Variants in MBNL2 observed in about 807,000 individuals in gnomAD.
MBNL2 encodes the protein muscleblind-like protein 2.
A neutral mutation model predicts 41.9 loss-of-function variants in MBNL2; 17 were observed. The ratio of observed to expected loss-of-function variants is 0.41; its 90% CI spans 0.28 to 0.61. The LOEUF is 0.61. MBNL2 is among the 20% of genes least tolerant of loss of function. MBNL2 has a pLI of 0.35. For synonymous variants in MBNL2, 195 were observed against 182.9 expected, an observed-to-expected ratio of 1.07 and a Z score of -0.53; for missense variants, 336 against 505.6, an observed-to-expected ratio of 0.66 and a Z score of 3.22.
At chr13:97,196,549 A>G in the MBNL2 span, among the ~76,000 whole-genome samples, 4 of 152,094 alleles carry the variant, frequency 2.6e-5, no homozygotes, top group African/African-American at 4.8e-5. Flanking sequence ...TCTGGAGGGG[A>G]CTAGAGGGGA....
the MBNL2 span, among the ~76,000 whole-genome samples, chr13:97,193,305 T>C: frequency 2.6e-5 from 4 of 152,240 alleles, no homozygotes; most frequent in African/African-American, 9.6e-5. Context: ...TGGATTTTGG[T>C]TCTGCCAAGT....
intron 8 of MBNL2, among the ~76,000 whole-genome samples, chr13:97,381,676 T>C (rs1467705646): frequency 6.6e-6 from 1 of 151,942 alleles, no homozygotes; most frequent in Non-Finnish European, 1.5e-5. Flanking sequence ...TTTTTAACTT[T>C]CACGTTTATT....
chr13:97,342,951 T>G, intron 3 of MBNL2, 65 bp from the exon 4 acceptor site: 1 of 990,514 alleles, frequency 1.0e-6, no homozygotes, highest in Non-Finnish European at 1.6e-6. Flanking sequence ...AAATGACATT[T>G]GCTGGTAATT....
intron 7 of MBNL2, among the ~76,000 whole-genome samples, chr13:97,360,391 C>T (rs2063304784): frequency 6.6e-6 from 1 of 152,126 alleles, no homozygotes; most frequent in African/African-American, 2.4e-5. Context: ...TGGCCTAGCA[C>T]ATTTGCCATG....
the MBNL2 span, among the ~76,000 whole-genome samples, chr13:97,159,441 G>A: frequency 6.6e-6 from 1 of 151,680 alleles, no homozygotes. Flanking sequence ...CTGTCATTAT[G>A]ATGTTAGCTG....
intron 2 of MBNL2, among the ~76,000 whole-genome samples, chr13:97,277,294 T>G (rs79961701): frequency 0.015 from 2,327 of 152,300 alleles, 59 homozygotes; most frequent in African/African-American, 0.054. Flanking sequence ...GTCTAGGGCG[T>G]TCCTACAGGC....
At chr13:97,234,843 G>A (rs1429513927) in intron 1 of MBNL2, among the ~76,000 whole-genome samples, 1 of 152,220 alleles carries the variant, frequency 6.6e-6, no homozygotes, top group Non-Finnish European at 1.5e-5. Context: ...CATTTTCGCA[G>A]TAGCGCTCAG....
At chr13:97,224,387 C>T (rs1024077609) in intron 1 of MBNL2, among the ~76,000 whole-genome samples, 1 of 152,148 alleles carries the variant, frequency 6.6e-6, no homozygotes, top group East Asian at 1.9e-4. Context: ...TCACAGGTGG[C>T]AACCTTGGTC....
At chr13:97,164,167 C>G in the MBNL2 span, among the ~76,000 whole-genome samples, 3 of 152,122 alleles carry the variant, frequency 2.0e-5, no homozygotes, top group Non-Finnish European at 4.4e-5. Context: ...CCACCATGTC[C>G]AGCTAATTTT....
intron 1 of MBNL2, among the ~76,000 whole-genome samples, chr13:97,259,148 C>T (rs986210084): frequency 4.6e-5 from 7 of 152,220 alleles, no homozygotes; most frequent in African/African-American, 1.7e-4. Flanking sequence ...CCAGCACTGC[C>T]CCCATTCAAG....
the MBNL2 span, among the ~76,000 whole-genome samples, chr13:97,164,371 T>C: frequency 6.6e-6 from 1 of 152,218 alleles, no homozygotes; most frequent in African/African-American, 2.4e-5. Flanking sequence ...TTTTGGTTCT[T>C]TTCAGTGCCA....
At chr13:97,391,177 G>T in intron 8 of MBNL2, 145 bp from the exon 9 acceptor site, 1 of 595,266 alleles carries the variant, frequency 1.7e-6, no homozygotes, top group Non-Finnish European at 3.0e-6. Context: ...GGCGGGTATT[G>T]TGCAAATTTA....
intron 1 of MBNL2, among the ~76,000 whole-genome samples, chr13:97,267,462 C>A (rs1276633988): frequency 1.3e-5 from 2 of 152,222 alleles, no homozygotes; most frequent in East Asian, 1.9e-4. Flanking sequence ...TCTTCTCGAA[C>A]TTCAGTCTTG....
intron 8 of MBNL2, among the ~76,000 whole-genome samples, chr13:97,373,397 G>A (rs1566448126): frequency 6.6e-6 from 1 of 150,780 alleles, no homozygotes; most frequent in African/African-American, 2.4e-5. Flanking sequence ...AGAGAAGGCA[G>A]GAGAGAGAGA....
intron 1 of MBNL2, among the ~76,000 whole-genome samples, chr13:97,273,206 A>G (rs577061368): frequency 1.3e-5 from 2 of 152,332 alleles, no homozygotes; most frequent in South Asian, 2.1e-4. Flanking sequence ...ACTCTACGTA[A>G]TATTTTTCAA....
At chr13:97,359,242 T>C (rs898417580) in intron 7 of MBNL2, among the ~76,000 whole-genome samples, 4 of 151,932 alleles carry the variant, frequency 2.6e-5, no homozygotes, top group African/African-American at 9.7e-5. Context: ...TGTGTCATTG[T>C]AGACCTCTTG....
chr13:97,196,372 T>C, the MBNL2 span, among the ~76,000 whole-genome samples: 1 of 152,224 alleles, frequency 6.6e-6, no homozygotes, highest in Non-Finnish European at 1.5e-5. Flanking sequence ...TTTAAAATTA[T>C]TTAGCACTCC....
chr13:97,338,349 A>G (rs977234587), intron 3 of MBNL2, among the ~76,000 whole-genome samples: 1 of 152,118 alleles, frequency 6.6e-6, no homozygotes, highest in Non-Finnish European at 1.5e-5. Context: ...AGCATTCTCT[A>G]CCAGCGAGCC....
the MBNL2 span, among the ~76,000 whole-genome samples, chr13:97,175,955 T>G: frequency 2.0e-5 from 3 of 152,144 alleles, no homozygotes; most frequent in African/African-American, 7.2e-5. Flanking sequence ...TCTGGATGGA[T>G]GCCCCCCAGG....
Sources: gnomAD v4.1 joint callset for allele counts (sites outside exome capture counted in the v4.1 genomes callset) on GRCh38, gnomAD v4.1.1 for gene constraint, MANE v1.5 for transcripts, NCBI Gene and HGNC (gene_info 2026-07-23, HGNC 2026-07-21) for gene names.